Variants in NRG3 observed in about 807,000 individuals in gnomAD.
NRG3 encodes the protein pro-neuregulin-3, membrane-bound isoform.
In NRG3, 31 loss-of-function variants were observed where a neutral mutation model predicts 66.9. The observed-to-expected ratio is 0.46, with a 90% CI of 0.35 to 0.63. The LOEUF is 0.63. Among genes scored for constraint, NRG3 ranks in the 20% least tolerant of loss-of-function variants. The pLI is 0.00. For synonymous variants in NRG3, 393 were observed against 359.4 expected (o/e 1.09, Z -1.06); for missense variants, 910 against 878.9 (o/e 1.04, Z -0.45).
chr10:82,825,105 C>T (rs150022569), intron 3 of NRG3, among the ~76,000 whole-genome samples: 292 of 152,232 alleles, frequency 1.9e-3, no homozygotes, highest in African/African-American at 6.7e-3. Context: ...ATATTTTCTC[C>T]CATTCTCTAT....
At chr10:82,219,047 G>A (rs776757702) in intron 1 of NRG3, among the ~76,000 whole-genome samples, 6 of 151,760 alleles carry the variant, frequency 4.0e-5, no homozygotes, top group South Asian at 2.1e-4. Context: ...TCAAAGAAAC[G>A]TTTGGGATTG....
At chr10:81,944,055 C>T (rs1054491824) in intron 1 of NRG3, among the ~76,000 whole-genome samples, 1 of 152,164 alleles carries the variant, frequency 6.6e-6, no homozygotes, top group African/African-American at 2.4e-5. Flanking sequence ...AGCTTCTACC[C>T]CCGTTTAACA....
intron 2 of NRG3, among the ~76,000 whole-genome samples, chr10:82,623,520 C>T (rs112705095): frequency 1.3e-5 from 2 of 152,136 alleles, no homozygotes; most frequent in African/African-American, 4.8e-5. Context: ...TTCTATGTGC[C>T]AGGCATTATG....
At chr10:82,895,284 A>C (rs867040565) in intron 4 of NRG3, among the ~76,000 whole-genome samples, 20 of 152,260 alleles carry the variant, frequency 1.3e-4, no homozygotes, top group South Asian at 1.0e-3. Flanking sequence ...TCCAGCCCTT[A>C]GCACTGTTCC....
intron 4 of NRG3, among the ~76,000 whole-genome samples, chr10:82,883,130 G>A (rs1842440485): frequency 6.6e-6 from 1 of 152,144 alleles, no homozygotes. Context: ...ATATGTTGAT[G>A]TATGCGGAAT....
chr10:81,991,869 T>C (rs1206005398), intron 1 of NRG3, among the ~76,000 whole-genome samples: 3 of 152,118 alleles, frequency 2.0e-5, no homozygotes, highest in Non-Finnish European at 4.4e-5. Context: ...GAGTAAACTA[T>C]GTAAATTCCC....
chr10:81,924,695 C>G (rs1846598732), intron 1 of NRG3, among the ~76,000 whole-genome samples: 1 of 152,148 alleles, frequency 6.6e-6, no homozygotes, highest in Non-Finnish European at 1.5e-5. Flanking sequence ...ATTTCGTTAG[C>G]CAAAGTTTTA....
intron 2 of NRG3, among the ~76,000 whole-genome samples, chr10:82,716,498 T>C (rs909987826): frequency 4.1e-4 from 62 of 152,150 alleles, no homozygotes; most frequent in Non-Finnish European, 7.5e-4. Flanking sequence ...CGTGCACACA[T>C]TTCTACATGG....
At chr10:82,805,818 ATC>A (rs934682366) in intron 3 of NRG3, among the ~76,000 whole-genome samples, 3 of 152,212 alleles carry the variant, frequency 2.0e-5, no homozygotes, top group African/African-American at 7.2e-5. Context: ...TCTCTAAATT[ATC>A]TTTCAGATTA....
intron 1 of NRG3, among the ~76,000 whole-genome samples, chr10:82,227,850 A>C (rs80256552): frequency 0.039 from 5,943 of 152,182 alleles, 144 homozygotes; most frequent in Admixed American, 0.045. Flanking sequence ...TTCCTTTATG[A>C]ATTCTTCCCC....
intron 2 of NRG3, among the ~76,000 whole-genome samples, chr10:82,508,466 C>T (rs962251938): frequency 6.6e-6 from 1 of 152,122 alleles, no homozygotes; most frequent in African/African-American, 2.4e-5. Context: ...AAATAGGCAA[C>T]AGCAATGAAA....
intron 1 of NRG3, among the ~76,000 whole-genome samples, chr10:81,963,518 A>G (rs1336099563): frequency 2.0e-5 from 3 of 152,148 alleles, no homozygotes; most frequent in African/African-American, 7.2e-5. Flanking sequence ...GAATTTAACG[A>G]TTACACCTAA....
At chr10:82,646,711 G>A (rs776041147) in intron 2 of NRG3, among the ~76,000 whole-genome samples, 4 of 152,120 alleles carry the variant, frequency 2.6e-5, no homozygotes, top group Admixed American at 6.5e-5. Flanking sequence ...GTTCTTAGAT[G>A]CTGGGGTATG....
intron 1 of NRG3, among the ~76,000 whole-genome samples, chr10:82,248,244 C>A (rs1005018982): frequency 6.6e-6 from 1 of 152,170 alleles, no homozygotes; most frequent in East Asian, 1.9e-4. Flanking sequence ...GGAATAATTT[C>A]TTTGTTTTTG....
intron 3 of NRG3, among the ~76,000 whole-genome samples, chr10:82,840,123 A>G (rs1435261952): frequency 6.6e-6 from 1 of 152,212 alleles, no homozygotes; most frequent in African/African-American, 2.4e-5. Context: ...ACTTAAGTGT[A>G]GCATTTGTGC....
chr10:82,258,994 C>G (rs1200653118), intron 1 of NRG3, among the ~76,000 whole-genome samples: 2 of 152,094 alleles, frequency 1.3e-5, no homozygotes, highest in Non-Finnish European at 2.9e-5. Context: ...CTGATATCCC[C>G]AGGAAACTAA....
chr10:82,462,926 C>G (rs2091588410), intron 2 of NRG3, among the ~76,000 whole-genome samples: 1 of 151,934 alleles, frequency 6.6e-6, no homozygotes, highest in African/African-American at 2.4e-5. Flanking sequence ...CTTGAATGAC[C>G]AAAATAGAAA....
At chr10:81,945,093 G>A (rs1456300195) in intron 1 of NRG3, among the ~76,000 whole-genome samples, 2 of 151,890 alleles carry the variant, frequency 1.3e-5, no homozygotes, top group African/African-American at 2.4e-5. Context: ...TACTTCTCAG[G>A]GCTCTTTCTC....
intron 2 of NRG3, among the ~76,000 whole-genome samples, chr10:82,687,521 CT>C (rs1458742121): frequency 6.6e-6 from 1 of 151,986 alleles, no homozygotes; most frequent in Non-Finnish European, 1.5e-5. Flanking sequence ...TGTGATTCTG[CT>C]TTTTGTTTGT....
Sources: allele counts gnomAD v4.1 joint callset (sites outside exome capture counted in the v4.1 genomes callset), GRCh38; gene constraint gnomAD v4.1.1; transcripts MANE v1.5; gene names NCBI Gene and HGNC (gene_info 2026-07-23, HGNC 2026-07-21).